The following ZFPM2 variants were observed in gnomAD, a reference collection of about 807,000 sequenced individuals.
The protein encoded by ZFPM2 is zinc finger protein, FOG family member 2.
ZFPM2 carries 20 observed loss-of-function variants against 98.6 expected under a neutral mutation model. The ratio of observed to expected loss-of-function variants is 0.20; its 90% CI spans 0.14 to 0.29. ZFPM2 has a LOEUF of 0.29. ZFPM2 is among the 10% of genes least tolerant of loss of function. The probability of loss-of-function intolerance (pLI) is 1.00; values close to 1 mark genes in which losing one functional copy is unlikely to be tolerated. For synonymous variants in ZFPM2, 518 were observed against 502.7 expected, an observed-to-expected ratio of 1.03 and a Z score of -0.41; for missense variants, 1,310 against 1,388.6, an observed-to-expected ratio of 0.94 and a Z score of 0.90.
At chr8:105,792,598 G>C (rs992221764) in intron 6 of ZFPM2, among the ~76,000 whole-genome samples, 4 of 152,110 alleles carry the variant, frequency 2.6e-5, no homozygotes, top group African/African-American at 4.8e-5. Flanking sequence ...ATGTCTATTA[G>C]GTCTGCTTGG....
chr8:105,595,627 C>T (rs534886660), intron 4 of ZFPM2, among the ~76,000 whole-genome samples: 15 of 152,148 alleles, frequency 9.9e-5, no homozygotes, highest in Admixed American at 9.8e-4. Flanking sequence ...CACACAATAT[C>T]GGGTGAAACA....
intron 5 of ZFPM2, among the ~76,000 whole-genome samples, chr8:105,709,651 G>C (rs934402338): frequency 2.6e-5 from 4 of 152,076 alleles, no homozygotes; most frequent in Non-Finnish European, 4.4e-5. Flanking sequence ...CTGAGAGTAG[G>C]TCAGTGATAT....
chr8:105,587,057 A>G (rs968224308), intron 4 of ZFPM2, among the ~76,000 whole-genome samples: 12 of 151,522 alleles, frequency 7.9e-5, no homozygotes, highest in African/African-American at 1.5e-4. Context: ...CTGGTGGATC[A>G]CAAGGTCAGG....
At chr8:105,391,186 T>C (rs1349495632) in intron 1 of ZFPM2, among the ~76,000 whole-genome samples, 3 of 152,208 alleles carry the variant, frequency 2.0e-5, no homozygotes, top group Non-Finnish European at 2.9e-5. Flanking sequence ...TTTCCACCAG[T>C]GTGTGCTCAC....
At chr8:105,355,852 A>G (rs1344734201) in intron 1 of ZFPM2, among the ~76,000 whole-genome samples, 4 of 152,234 alleles carry the variant, frequency 2.6e-5, no homozygotes, top group Non-Finnish European at 5.9e-5. Context: ...AATAATCACA[A>G]TGCATTCATT....
intron 5 of ZFPM2, among the ~76,000 whole-genome samples, chr8:105,665,240 C>T (rs759115255): frequency 5.9e-5 from 9 of 152,092 alleles, no homozygotes; most frequent in Admixed American, 1.3e-4. Flanking sequence ...GAGGGTGGTG[C>T]CTCATGACCC....
At chr8:105,473,583 A>T (rs1171675823) in intron 3 of ZFPM2, among the ~76,000 whole-genome samples, 1 of 152,166 alleles carries the variant, frequency 6.6e-6, no homozygotes, top group African/African-American at 2.4e-5. Context: ...TATGCCACAG[A>T]AGAGTTGAGG....
rs528899296 is a variant in ZFPM2, at chr8:105,333,665, G to A, written c.40+14684G>A. On this transcript the variant is annotated intron_variant, in intron 1 of 7. Transcript: ENST00000407775. ...CATGGTTTCTGATAGCAAAAAATTC[G>A]AAGTCACCTAAATGTCCATTAATAG... is the stretch of plus-strand genomic sequence containing the variant. Among the ~76,000 whole-genome samples, 274 of 151,546 alleles carry A rather than the reference G, an allele frequency of 1.8e-3. 1 individual carries two copies. The highest frequency in any genetic ancestry group is 6.3e-3 in the African/African-American group (262 of 41,394).
chr8:105,630,942 C>A (rs1816744781), intron 4 of ZFPM2, among the ~76,000 whole-genome samples: 1 of 152,098 alleles, frequency 6.6e-6, no homozygotes, highest in African/African-American at 2.4e-5. Flanking sequence ...TCCTGGGAAA[C>A]CTTTCAGTTC....
intron 5 of ZFPM2, among the ~76,000 whole-genome samples, chr8:105,771,097 G>A (rs1272571699): frequency 1.3e-5 from 2 of 152,170 alleles, no homozygotes; most frequent in Non-Finnish European, 2.9e-5. Flanking sequence ...GTCCAAGTCA[G>A]TGTTTCCTGT....
intron 5 of ZFPM2, among the ~76,000 whole-genome samples, chr8:105,751,003 T>C (rs867511170): frequency 9.2e-5 from 14 of 152,186 alleles, no homozygotes; most frequent in African/African-American, 2.6e-4. Context: ...GTATGCAGAC[T>C]TTTAAGTGAA....
At chr8:105,587,252 G>T in intron 4 of ZFPM2, among the ~76,000 whole-genome samples, 1 of 148,760 alleles carries the variant, frequency 6.7e-6, no homozygotes, top group Non-Finnish European at 1.5e-5. Flanking sequence ...ACTCCAGCCT[G>T]GGTGACAGAG....
chr8:105,762,665 A>T (rs1812758523), intron 5 of ZFPM2, among the ~76,000 whole-genome samples: 1 of 151,828 alleles, frequency 6.6e-6, no homozygotes, highest in Non-Finnish European at 1.5e-5. Context: ...TATAGTTTTT[A>T]TTTTTAAAAT....
intron 4 of ZFPM2, among the ~76,000 whole-genome samples, chr8:105,633,711 A>G (rs964598492): frequency 6.6e-6 from 1 of 152,144 alleles, no homozygotes; most frequent in Non-Finnish European, 1.5e-5. Flanking sequence ...TTATTATTTC[A>G]GTTACAGTGA....
intron 6 of ZFPM2, among the ~76,000 whole-genome samples, chr8:105,795,263 T>C (rs1202509873): frequency 1.3e-5 from 2 of 150,966 alleles, no homozygotes; most frequent in Non-Finnish European, 2.9e-5. Context: ...TGTGTGTGTG[T>C]GTGTGTGTGT....
chr8:105,690,905 G>T (rs1409489276), intron 5 of ZFPM2: 2 of 152,114 alleles, frequency 1.3e-5, no homozygotes, highest in African/African-American at 4.8e-5. Flanking sequence ...TATCTAGAGA[G>T]TTAAGCTCAA....
rs187853958 is a variant in ZFPM2, at chr8:105,597,221, T to C, written c.420+35740T>C. On this transcript the variant is annotated intron_variant, in intron 4 of 7. Transcript: ENST00000407775. The stretch of plus-strand genomic sequence containing the variant: ...TCACAGAATATCAGTAATAAATCTT[T>C]GAATTGGCAGGAGTCGACATGGTCA... Among the ~76,000 whole-genome samples, 426 of 152,234 alleles carry C rather than the reference T, an allele frequency of 2.8e-3. 3 individuals carry two copies. The highest frequency in any genetic ancestry group is 9.5e-3 in the African/African-American group (393 of 41,568).
At chr8:105,470,369 A>G (rs1378050569) in intron 3 of ZFPM2, among the ~76,000 whole-genome samples, 1 of 152,096 alleles carries the variant, frequency 6.6e-6, no homozygotes, top group Non-Finnish European at 1.5e-5. Flanking sequence ...ATGGACCAAA[A>G]CTATGTCTAC....
At chr8:105,361,431 A>C (rs868843223) in intron 1 of ZFPM2, among the ~76,000 whole-genome samples, 2 of 149,150 alleles carry the variant, frequency 1.3e-5, no homozygotes, top group Non-Finnish European at 1.5e-5. Flanking sequence ...TTGCCTGTTC[A>C]CTCTGATGGT....
Sources: gnomAD v4.1 joint callset for allele counts (sites outside exome capture counted in the v4.1 genomes callset) on GRCh38, gnomAD v4.1.1 for gene constraint, MANE v1.5 for transcripts, NCBI Gene and HGNC (gene_info 2026-07-23, HGNC 2026-07-21) for gene names.